The following ARX variants were observed in gnomAD, a reference collection of about 807,000 sequenced individuals.
ARX encodes the protein homeobox protein ARX.
In ARX, 1 loss-of-function variant was observed where a neutral mutation model predicts 23.1. The observed-to-expected ratio is 0.04, with a 90% CI of 0.02 to 0.21. ARX has a LOEUF of 0.21. Ranked by LOEUF, ARX falls within the 10% of genes least tolerant of loss-of-function variation. The probability of loss-of-function intolerance (pLI) is 1.00; values close to 1 mark genes in which losing one functional copy is unlikely to be tolerated. For synonymous variants in ARX, 301 were observed against 270.1 expected (o/e 1.11, Z -1.12); for missense variants, 380 against 527.5 (o/e 0.72, Z 2.74).
intron 4 of ARX, 25 bp from the exon 5 acceptor site, chrX:25,004,935 T>C: frequency 9.0e-7 from 1 of 1,105,463 alleles, no homozygotes; most frequent in Non-Finnish European, 1.2e-6. Flanking sequence ...AACAGCGCGG[T>C]CATGGCCTCG....
At position 25,013,398 on chromosome X, in the gene ARX, C is replaced by G. The variant is rs398124515; in HGVS notation, c.597G>C (p.Thr199=). ...LDELGGPGGV[T]HPEERLGVAG... is the part of the protein sequence containing the mutation. ...CCACGCCGAGGCGCTCCTCCGGGTG[C>G]GTGACGCCCCCCGGGCCGCCCAGCT... Residue 199 remains threonine (T), a synonymous_variant, in exon 2 of 5, where the codon ACG becomes ACC. Transcript: ENST00000379044. The G allele has an allele frequency of 9.2e-7, 1 of 1,081,125 alleles. No individual in the cohort carries two copies. Among genetic ancestry groups the G allele is most frequent in the Non-Finnish European group, 1.2e-6 (1 of 840,286 alleles). 89.1% of individuals were successfully genotyped at this position (1,081,125 alleles called of 1,213,427 possible). A position where few individuals can be genotyped will look rare whatever the true frequency, so the allele number is the denominator to read the frequency against.
chrX:25,013,865 G>C, intron 1 of ARX, 67 bp from the exon 2 acceptor site: 1 of 877,155 alleles, frequency 1.1e-6, no homozygotes, highest in Non-Finnish European at 1.4e-6. Context: ...CTGCTGCCGG[G>C]GCCCGCCCGC....
chrX:25,009,980 C>T (rs2048695061), intron 3 of ARX, among the ~76,000 whole-genome samples: 1 of 111,048 alleles, frequency 9.0e-6, no homozygotes, highest in Admixed American at 9.5e-5. Flanking sequence ...GCTAGGGGGT[C>T]CCAAACTGCA....
At position 25,015,947 on chromosome X, in the gene ARX, A is replaced by G; in HGVS notation, c.-210T>C. On this transcript the variant is annotated 5_prime_UTR_variant, in exon 1 of 5. Coordinates refer to ENST00000379044, the MANE Select transcript of ARX (RefSeq NM_139058.3). The stretch of plus-strand genomic sequence containing the variant: ...AGCTCGCCCTCTCCGCGCTCAGGAC[A>G]AGCGGTAACAAGTGTAGTGAGCAGC... 1 of 450,658 alleles carries G rather than the reference A, an allele frequency of 2.2e-6. No individual in the cohort carries two copies. Among genetic ancestry groups the G allele is most frequent in the Non-Finnish European group, 3.9e-6 (1 of 256,069 alleles). The allele number at this position is 450,658 out of a possible 1,213,427, so 37.1% of individuals were successfully genotyped here.
chrX:25,015,708 G>A lies in ARX; in HGVS notation c.30C>T (p.Cys10=), dbSNP rs794726959. 8.3e-7 allele frequency: 1 copy of A among 1,202,629 alleles called. No individual in the cohort carries two copies. The highest frequency in any genetic ancestry group is 1.1e-6 in the Non-Finnish European group (1 of 889,844). The change falls in exon 1 of 5, where the codon TGC becomes TGT. Residue 10 remains cysteine, a synonymous_variant. Transcript: ENST00000379044. MSNQYQEEG[C]SERPECKSKS... ...TACTTTTGCACTCGGGCCTCTCGGA[G>A]CAGCCCTCCTCCTGGTACTGATTGC...
intron 1 of ARX, among the ~76,000 whole-genome samples, chrX:25,015,104 A>G (rs925372631): frequency 1.3e-4 from 15 of 111,910 alleles, no homozygotes; most frequent in African/African-American, 4.9e-4. Context: ...AAAACATTGC[A>G]TATACAGAAA....
intron 2 of ARX, among the ~76,000 whole-genome samples, chrX:25,012,334 G>T (rs2048705410): frequency 8.9e-6 from 1 of 112,805 alleles, no homozygotes; most frequent in Admixed American, 9.3e-5. Context: ...GTTATTTCAG[G>T]AGTCCTGAAA....
intron 3 of ARX, among the ~76,000 whole-genome samples, chrX:25,009,133 C>T (rs371887301): frequency 1.8e-5 from 2 of 111,770 alleles, no homozygotes; most frequent in East Asian, 5.6e-4. Flanking sequence ...AACCTTTTTA[C>T]AGACAGATCG....
At chrX:25,005,015 C>T in intron 4 of ARX, 105 bp from the exon 5 acceptor site, 1 of 1,003,961 alleles carries the variant, frequency 1.0e-6, no homozygotes, top group Middle Eastern at 4.0e-4. Flanking sequence ...GGGCGCGGTA[C>T]CCACGGGACC....
At position 25,004,863 on chromosome X, in the gene ARX, G is replaced by A. The variant is rs1343898082; in HGVS notation, c.1496C>T (p.Ala499Val). 9 of 1,150,344 alleles carry A rather than the reference G, an allele frequency of 7.8e-6. No homozygotes were observed. The highest frequency in any genetic ancestry group is 1.0e-5 in the Non-Finnish European group (9 of 867,732). 94.8% of individuals were successfully genotyped at this position (1,150,344 alleles called of 1,213,427 possible). A position where few individuals can be genotyped will look rare whatever the true frequency, so the allele number is the denominator to read the frequency against. The change falls in exon 5 of 5, where the codon GCG becomes GTG. Residue 499 changes from alanine (A) to valine (V), a missense_variant. Around this residue, in one of 3 missense-constraint regions of ARX, gnomAD observed 121 missense variants for 169.7 expected, o/e 0.71. Coordinates refer to ENST00000379044, the MANE Select transcript of ARX (RefSeq NM_139058.3). ...GGCGGGTGTGGGCTGTCTCAGGAGC[G>A]CGGCCGCGGTCGACGCGCTGGTCAG... is the stretch of plus-strand genomic sequence containing the variant. Reference protein sequence around the residue: ...APLTSASTAAALLRQPTPAVE... With the variant: ...APLTSASTAAVLLRQPTPAVE...
intron 2 of ARX, among the ~76,000 whole-genome samples, chrX:25,012,117 G>C (rs1280443578): frequency 8.9e-6 from 1 of 112,739 alleles, no homozygotes; most frequent in Non-Finnish European, 1.9e-5. Context: ...CTTGGACACT[G>C]ATCCAAAGAG....
At chrX:25,015,415 C>T (rs1204706443) in intron 1 of ARX, 127 bp downstream of exon 1, 1 of 862,039 alleles carries the variant, frequency 1.2e-6, no homozygotes, top group Non-Finnish European at 1.7e-6. Flanking sequence ...AGGCAGCAGG[C>T]CTCAGAGTTA....
In ARX at chrX:25,013,177, G is replaced by C. The variant is rs1047310010; in HGVS notation, c.818C>G (p.Ala273Gly). The C allele has an allele frequency of 3.4e-6, 4 of 1,187,427 alleles. No individual in the cohort carries two copies. Among genetic ancestry groups the C allele is most frequent in the Non-Finnish European group, 4.5e-6 (4 of 884,766 alleles). ...PRRCPVAATG[A>G]VAAAAAAAVA... ...TGCAGCGGCAGCTGCTGCGGCCACG[G>C]CGCCAGTGGCGGCCACAGGACAGCG... The change falls in exon 2 of 5, where the codon GCC becomes GGC. Residue 273 changes from alanine (A) to glycine (G), a missense_variant. Coordinates refer to ENST00000379044, the MANE Select transcript of ARX (RefSeq NM_139058.3).
Position 25,011,103 on chromosome X carries a change from C to T in ARX, c.1074-798G>A, listed in dbSNP as rs187088269. Among the ~76,000 whole-genome samples the T allele has an allele frequency of 4.4e-3, 494 of 112,218 alleles. 3 individuals are homozygous for T. The highest frequency in any genetic ancestry group is 6.3e-3 in the Non-Finnish European group (334 of 53,222). On this transcript the variant is annotated intron_variant, in intron 2 of 4. Coordinates refer to ENST00000379044, the MANE Select transcript of ARX (RefSeq NM_139058.3). ...GTAAAACGGCTTACAACCTGTTTACCGAAAATATGACCGCGCCGAGAATAA... is the reference window on the plus strand; with the variant it reads ...GTAAAACGGCTTACAACCTGTTTACTGAAAATATGACCGCGCCGAGAATAA...
At chrX:25,010,487 A>C (rs1257377179) in intron 2 of ARX, among the ~76,000 whole-genome samples, 182 bp from the exon 3 acceptor site, 1 of 110,041 alleles carries the variant, frequency 9.1e-6, no homozygotes, top group African/African-American at 3.3e-5. Context: ...TTTGACTGAA[A>C]ATGCAAAAAC....
At chrX:25,013,836 C>G in intron 1 of ARX, 38 bp from the exon 2 acceptor site, 2 of 903,934 alleles carry the variant, frequency 2.2e-6, no homozygotes, top group Non-Finnish European at 2.7e-6. Flanking sequence ...GCCGGCCGGC[C>G]GGGGAGTCCC....
At position 25,012,925 on chromosome X, in the gene ARX, G is replaced by T. The variant is rs768243127; in HGVS notation, c.1070C>A (p.Thr357Asn). The T allele has an allele frequency of 1.7e-6, 2 of 1,204,939 alleles. No homozygotes were observed. The highest frequency in any genetic ancestry group is 4.4e-5 in the Admixed American group (2 of 45,684). ...FQKTHYPDVF[T>N]REELAMRLDL... ...CGCGACCACCCTACGCGCATACCTG[G>T]TGAAGACGTCCGGGTAGTGCGTCTT... The change falls in exon 2 of 5, where the codon ACC (threonine) becomes AAC (asparagine). Residue 357 changes from threonine (T) to asparagine (N), a missense_variant. Thr to Asn is a moderately conservative substitution (Grantham distance 65). This residue lies in a region of ARX where 24 missense variants were observed against 87.7 expected (regional missense o/e 0.27). Coordinates refer to ENST00000379044, the MANE Select transcript of ARX (RefSeq NM_139058.3).
rs769893648 is a variant in ARX, at chrX:25,011,944, G to A, written c.1073+978C>T. Among the ~76,000 whole-genome samples, 39 of 112,861 alleles carry A rather than the reference G, an allele frequency of 3.5e-4. No individual in the cohort carries two copies. In the Middle Eastern group the frequency reaches 0.014, roughly 40 times the overall value. ...ACGTTTGCCCTAAGACTGGCTCCTC[G>A]CCTGAGCTGAGAACTTGGCCTTGGG... On this transcript the variant is annotated intron_variant, in intron 2 of 4. Coordinates refer to ENST00000379044, the MANE Select transcript of ARX (RefSeq NM_139058.3).
In ARX at chrX:25,012,053, A is replaced by T. The variant is rs745856918; in HGVS notation, c.1073+869T>A. The stretch of plus-strand genomic sequence containing the variant: ...GAGGGTCCAGTCATCACACAGGCAC[A>T]TGTTTCCCAGAAAAACAAGTGGGAG... On this transcript the variant is annotated intron_variant, in intron 2 of 4. Transcript: ENST00000379044. Among the ~76,000 whole-genome samples the T allele has an allele frequency of 1.7e-4, 19 of 112,590 alleles. No individual in the cohort carries two copies. In the South Asian group the frequency reaches 4.4e-3, roughly 26 times the overall value.
Sources: allele counts gnomAD v4.1 joint callset (sites outside exome capture counted in the v4.1 genomes callset), GRCh38; gene constraint gnomAD v4.1.1; regional missense constraint gnomAD v4.1.1; transcripts MANE v1.5; gene names NCBI Gene and HGNC (gene_info 2026-07-23, HGNC 2026-07-21).